USP54: variants seen among roughly 807,000 people sequenced by gnomAD.
USP54 encodes ubiquitin carboxyl-terminal hydrolase 54.
In USP54, 87 loss-of-function variants were observed where a neutral mutation model predicts 170.5. That is an observed-to-expected ratio of 0.51 (90% CI 0.43 to 0.61). The LOEUF (loss-of-function observed/expected upper bound fraction) is 0.61. Ranked by LOEUF, USP54 falls within the 20% of genes least tolerant of loss-of-function variation. The pLI is 0.00. For missense variants in USP54, 1,786 were observed against 2,047.8 expected (o/e 0.87, Z 2.47); for synonymous variants, 655 against 742.8 (o/e 0.88, Z 1.92).
intron 22 of USP54, among the ~76,000 whole-genome samples, chr10:73,501,971 C>G (rs909329665): frequency 6.6e-6 from 1 of 152,116 alleles, no homozygotes; most frequent in African/African-American, 2.4e-5. Context: ...ATTCTCTTGC[C>G]TTATTATTCT....
chr10:73,539,681 G>C, intron 9 of USP54, 88 bp from the exon 10 acceptor site: 1 of 1,386,850 alleles, frequency 7.2e-7, no homozygotes, highest in South Asian at 1.6e-5. Flanking sequence ...CATTTCTTAA[G>C]TAAGGTACTG....
In USP54 at chr10:73,517,622, G is replaced by A. The variant is rs759626574; in HGVS notation, c.2804C>T (p.Ser935Leu). ...TGGGGCAGATGACTCTGGAGATAGT[G>A]ATGAGTGTGACTCATGGCAGGAAGC... The part of the protein sequence containing the change: ...SPASCHESHS[S>L]LSPESSAPQH... Residue 935 changes from serine (S) to leucine (L), a missense_variant, in exon 20 of 24, where the codon TCA becomes TTA. Physicochemically the swap from Ser to Leu is moderately radical, Grantham distance 145. Around this residue, in one of 3 missense-constraint regions of USP54, gnomAD observed 1,418 missense variants for 1,569.0 expected, o/e 0.90. Coordinates refer to ENST00000687698, the MANE Select transcript of USP54 (RefSeq NM_001391956.1). 3 of 1,614,234 alleles carry A rather than the reference G, an allele frequency of 1.9e-6. No individual in the cohort carries two copies. The highest frequency in any genetic ancestry group is 2.2e-5 in the South Asian group (2 of 91,082).
chr10:73,499,419 T>G (rs1349407060), intron 23 of USP54, among the ~76,000 whole-genome samples: 1 of 152,144 alleles, frequency 6.6e-6, no homozygotes, highest in Non-Finnish European at 1.5e-5. Flanking sequence ...TCATGGATGT[T>G]GCCATACCTC....
intron 22 of USP54, 151 bp from the exon 23 acceptor site, chr10:73,500,989 T>C: frequency 1.3e-6 from 1 of 792,902 alleles, no homozygotes; most frequent in Non-Finnish European, 1.9e-6. Flanking sequence ...AGGACCCAAT[T>C]TACTCAGTTG....
chr10:73,506,200 T>A (rs1277779479), intron 20 of USP54: 2 of 152,236 alleles, frequency 1.3e-5, no homozygotes, highest in Non-Finnish European at 2.9e-5. Flanking sequence ...AATTAAATCC[T>A]CTTGATTTTC....
At position 73,536,224 on chromosome 10, in the gene USP54, G is replaced by A. The variant is rs562132792; in HGVS notation, c.1144+45C>T. On this transcript the variant is annotated intron_variant, in intron 11 of 23. Transcript: ENST00000687698. ...AACTATGAGTCCCAACTGTTTGATC[G>A]CATGGGGTGAGGAGAGAGGAGAGGT... is the stretch of plus-strand genomic sequence containing the variant. The A allele has an allele frequency of 1.0e-4, 160 of 1,603,988 alleles. No individual in the cohort carries two copies. In the South Asian group the frequency reaches 1.1e-3, roughly 11 times the overall value.
At chr10:73,600,213 A>G (rs565790815) in intron 1 of USP54, among the ~76,000 whole-genome samples, 1 of 152,122 alleles carries the variant, frequency 6.6e-6, no homozygotes, top group South Asian at 2.1e-4. Flanking sequence ...GGCTCTTTTC[A>G]TAAGGCCATG....
At position 73,523,884 on chromosome 10, in the gene USP54, TTATTATTATTATTA is replaced by T. The variant is rs761567385; in HGVS notation, c.2195-148_2195-135del. ...TTGGAGTTTATTTATTTATTATTTA[TTATTATTATTATTA>T]TTATTATTATTATTATTATTATTAT... On this transcript the variant is annotated intron_variant, in intron 16 of 23. Transcript: ENST00000687698. 1.0e-3 allele frequency: 168 copies of T among 168,806 alleles called. 12 individuals are homozygous for T. The highest frequency in any genetic ancestry group is 5.0e-3 in the Middle Eastern group (2 of 398). 10.5% of individuals were successfully genotyped at this position (168,806 alleles called of 1,614,324 possible).
intron 22 of USP54, among the ~76,000 whole-genome samples, chr10:73,503,585 T>C (rs2058552522): frequency 6.6e-6 from 1 of 152,204 alleles, no homozygotes; most frequent in Non-Finnish European, 1.5e-5. Context: ...AATTTGCCAT[T>C]AAATGAATTG....
intron 19 of USP54, 102 bp downstream of exon 19, chr10:73,519,695 T>C: frequency 6.5e-7 from 1 of 1,536,536 alleles, no homozygotes; most frequent in Non-Finnish European, 8.8e-7. Flanking sequence ...AGGACTCCTC[T>C]CTCCCCTTCA....
upstream of USP54, chr10:73,591,631 G>A (rs2078260097): frequency 6.6e-6 from 1 of 152,154 alleles, no homozygotes; most frequent in African/African-American, 2.4e-5. Context: ...CTTCACCTGA[G>A]GCTTAAGAAA....
Position 73,523,869 on chromosome 10 carries a change from T to TTTATTTATTA in USP54, c.2195-129_2195-120dup, listed in dbSNP as rs1240819669. The TTTATTTATTA allele has an allele frequency of 8.6e-6, 3 of 348,862 alleles. 1 individual carries two copies. Among genetic ancestry groups the TTTATTTATTA allele is most frequent in the Admixed American group, 5.4e-5 (1 of 18,448 alleles). 21.6% of individuals were successfully genotyped at this position (348,862 alleles called of 1,614,324 possible). ...ATTCTTGCTTTCAATTTGGAGTTTA[T>TTTATTTATTA]TTATTTATTATTTATTATTATTATT... is the stretch of plus-strand genomic sequence containing the variant. On this transcript the variant is annotated intron_variant, in intron 16 of 23. Transcript: ENST00000687698.
chr10:73,542,583 A>G (rs2066858625), intron 7 of USP54, among the ~76,000 whole-genome samples: 1 of 152,104 alleles, frequency 6.6e-6, no homozygotes, highest in South Asian at 2.1e-4. Context: ...AAATTAGCGC[A>G]GTGTGTACTA....
chr10:73,540,693 T>C (rs2066433755), intron 9 of USP54, among the ~76,000 whole-genome samples: 1 of 152,154 alleles, frequency 6.6e-6, no homozygotes, highest in Admixed American at 6.5e-5. Flanking sequence ...TTGAACTCCT[T>C]AAGCAATCCT....
chr10:73,542,289 A>G (rs574757107), intron 7 of USP54, among the ~76,000 whole-genome samples: 21 of 152,272 alleles, frequency 1.4e-4, no homozygotes, highest in African/African-American at 5.0e-4. Context: ...TAGTAGAGAC[A>G]GGGTTTTGTC....
intron 5 of USP54, among the ~76,000 whole-genome samples, chr10:73,543,407 C>A (rs1309015340): frequency 6.6e-6 from 1 of 152,108 alleles, no homozygotes; most frequent in South Asian, 2.1e-4. Flanking sequence ...CGCTCTGTCA[C>A]CCAGGCTGGA....
intron 1 of USP54, among the ~76,000 whole-genome samples, chr10:73,622,378 T>C (rs189894985): frequency 2.3e-3 from 356 of 152,072 alleles, no homozygotes; most frequent in African/African-American, 8.4e-3. Flanking sequence ...GGTTGGAGTA[T>C]AGTGGCATGA....
At position 73,530,373 on chromosome 10, in the gene USP54, C is replaced by G; in HGVS notation, c.1598G>C (p.Arg533Thr). 1 of 1,614,170 alleles carries G rather than the reference C, an allele frequency of 6.2e-7. No individual in the cohort carries two copies. The highest frequency in any genetic ancestry group is 8.5e-7 in the Non-Finnish European group (1 of 1,180,034). ...ASQTNVGSHC[R>T]GRGGDQPDKK... The stretch of plus-strand genomic sequence containing the variant: ...GTCAGGCTGGTCTCCTCCTCTGCCC[C>G]TGCAGTGAGAGCCTACATTGGTCTG... Residue 533 changes from arginine (R) to threonine (T), a missense_variant, in exon 14 of 24, where the codon AGG (arginine) becomes ACG (threonine). Physicochemically the swap from Arg to Thr is moderately conservative, Grantham distance 71. Transcript: ENST00000687698.
chr10:73,498,817 C>A lies in USP54; in HGVS notation c.4867G>T (p.Val1623Phe), dbSNP rs1332169613. The A allele has an allele frequency of 6.2e-7, 1 of 1,612,164 alleles. No individual in the cohort carries two copies. Among genetic ancestry groups the A allele is most frequent in the Non-Finnish European group, 8.5e-7 (1 of 1,179,194 alleles). Residue 1623 changes from valine (V) to phenylalanine (F), a missense_variant, in exon 24 of 24, where the codon GTT (valine) becomes TTT (phenylalanine). Around this residue, in one of 3 missense-constraint regions of USP54, gnomAD observed 1,418 missense variants for 1,569.0 expected, o/e 0.90. Transcript: ENST00000687698. ...GGACCAGGGGTTCGGGACCCTGGAA[C>A]AGGATCTGAATTCCAAGCTGACCTC... ...PLRSAWNSDP[V>F]PGSRTPGPRR...
Sources: allele counts gnomAD v4.1 joint callset (sites outside exome capture counted in the v4.1 genomes callset), GRCh38; gene constraint gnomAD v4.1.1; regional missense constraint gnomAD v4.1.1; transcripts MANE v1.5; gene names NCBI Gene and HGNC (gene_info 2026-07-23, HGNC 2026-07-21).